PGA5: variants seen among roughly 807,000 people sequenced by gnomAD.
PGA5 encodes pepsinogen A5.
Under a neutral mutation model 15.9 loss-of-function variants are expected in PGA5, and 19 were observed. The observed-to-expected ratio is 1.19, with a 90% CI of 0.83 to 1.75. The LOEUF is 1.75. Among genes scored for constraint, PGA5 ranks in the 40% most tolerant of loss-of-function variants. The probability of loss-of-function intolerance (pLI) is 0.00; values close to 1 mark genes in which losing one functional copy is unlikely to be tolerated. For synonymous variants in PGA5, 92 were observed against 95.8 expected, an observed-to-expected ratio of 0.96 and a Z score of 0.23; for missense variants, 224 against 246.4, an observed-to-expected ratio of 0.91 and a Z score of 0.61.
At chr11:61,250,053 C>A in intron 8 of PGA5, 39 bp downstream of exon 8, 1 of 1,598,902 alleles carries the variant, frequency 6.3e-7, no homozygotes, top group Non-Finnish European at 8.5e-7. Context: ...GAGGTTCACA[C>A]AGAATGTGGA....
chr11:61,247,578 C>T lies in PGA5; in HGVS notation c.657-841C>T, dbSNP rs375690460. On this transcript the variant is annotated intron_variant, in intron 5 of 8. Coordinates refer to ENST00000312403, the MANE Select transcript of PGA5 (RefSeq NM_014224.5). ...AGGCATGAGCCACCACGCCCAGCCC[C>T]GGATAATTAATTTCTTATTGCCGTC... is the stretch of plus-strand genomic sequence containing the variant. 3.2e-4 allele frequency among the ~76,000 whole-genome samples: 49 copies of T among 152,064 alleles called. 2 individuals carry two copies. The highest frequency in any genetic ancestry group is 1.1e-3 in the African/African-American group (46 of 41,394).
In PGA5 at chr11:61,251,245, G is replaced by C; in HGVS notation, c.1131G>C (p.Arg377Ser). Residue 377 changes from arginine (R) to serine (S), a missense_variant, in exon 9 of 9, where the codon AGG becomes AGC. Coordinates refer to ENST00000312403, the MANE Select transcript of PGA5 (RefSeq NM_014224.5). Reference protein sequence around the residue: ...FIRQYFTVFDRANNQVGLAPV... With the variant: ...FIRQYFTVFDSANNQVGLAPV... ...GCCAGTACTTTACCGTCTTCGACAG[G>C]GCAAACAACCAGGTCGGCCTGGCCC... 4 of 1,611,848 alleles carry C rather than the reference G, an allele frequency of 2.5e-6. No homozygotes were observed. Among genetic ancestry groups the C allele is most frequent in the Non-Finnish European group, 3.4e-6 (4 of 1,179,868 alleles).
At chr11:61,250,082 A>G in intron 8 of PGA5, 68 bp downstream of exon 8, 2 of 1,568,006 alleles carry the variant, frequency 1.3e-6, no homozygotes, top group East Asian at 2.3e-5. Flanking sequence ...CCCCTTCTGC[A>G]GAGGGAAAGT....
chr11:61,249,474 G>C (rs963400234), intron 6 of PGA5, 195 bp from the exon 7 acceptor site: 2 of 1,106,822 alleles, frequency 1.8e-6, no homozygotes, highest in East Asian at 5.2e-5. Context: ...ATGCCTGGCA[G>C]AGGGTAGGCA....
In PGA5 at chr11:61,249,810, C is replaced by T. The variant is rs140182722; in HGVS notation, c.915C>T (p.Gly305=). The change falls in exon 7 of 9, where the codon GGC becomes GGT. Residue 305 remains glycine, a synonymous_variant. Coordinates refer to ENST00000312403, the MANE Select transcript of PGA5 (RefSeq NM_014224.5). ...TCGGAGCCAGCGAGAACTCAGATGG[C>T]GACGTGAGTCCAGCCCCGACTGCCC... is the stretch of plus-strand genomic sequence containing the variant. ...SDIGASENSD[G]DMVVSCSAIS... 4,383 of 1,613,628 alleles carry T rather than the reference C, an allele frequency of 2.7e-3. 187 individuals are homozygous for T. In the African/African-American group the frequency reaches 0.049, roughly 18 times the overall value.
chr11:61,250,968 G>T (rs1414577226), intron 8 of PGA5, among the ~76,000 whole-genome samples, 164 bp from the exon 9 acceptor site: 1 of 151,204 alleles, frequency 6.6e-6, no homozygotes, highest in Non-Finnish European at 1.5e-5. Flanking sequence ...GCTTCTACAG[G>T]CTGACTCCAG....
At position 61,248,318 on chromosome 11, in the gene PGA5, G is replaced by A. The variant is rs565383894; in HGVS notation, c.657-101G>A. ...ATTGGTCACACCCCAGGACAGCCCT[G>A]GAAAGTGCCCAATCAACGGTCGCTC... On this transcript the variant is annotated intron_variant, in intron 5 of 8. Transcript: ENST00000312403. The A allele has an allele frequency of 4.0e-5, 65 of 1,613,648 alleles. 1 individual carries two copies. In the East Asian group the frequency reaches 4.7e-4, roughly 12 times the overall value.
Position 61,249,769 on chromosome 11 carries a change from A to T in PGA5, c.874A>T (p.Asn292Tyr), listed in dbSNP as rs768967273. ...LLTGPTSPIANIQSDIGASEN... is the reference protein window; with the variant it reads ...LLTGPTSPIAYIQSDIGASEN... ...GACCGGCCCAACCAGCCCCATTGCC[A>T]ACATCCAGAGCGACATCGGAGCCAG... The change falls in exon 7 of 9, where the codon AAC (asparagine) becomes TAC (tyrosine). Residue 292 changes from asparagine to tyrosine, a missense_variant. Physicochemically the swap from Asn to Tyr is moderately radical, Grantham distance 143. Transcript: ENST00000312403. 1 of 1,613,608 alleles carries T rather than the reference A, an allele frequency of 6.2e-7. No individual in the cohort carries two copies. Among genetic ancestry groups the T allele is most frequent in the Non-Finnish European group, 8.5e-7 (1 of 1,179,856 alleles).
At chr11:61,250,612 C>T (rs1854127847) in intron 8 of PGA5, 1 of 458,982 alleles carries the variant, frequency 2.2e-6, no homozygotes, top group African/African-American at 2.0e-5. Flanking sequence ...CAACAAGAAG[C>T]ACTGATGCCT....
In PGA5 at chr11:61,251,252, A is replaced by G. The variant is rs568628382; in HGVS notation, c.1138A>G (p.Asn380Asp). 80 of 1,611,852 alleles carry G rather than the reference A, an allele frequency of 5.0e-5. 1 individual carries two copies. The South Asian group carries it at 8.4e-4, about 17-fold the overall frequency. ...CTTTACCGTCTTCGACAGGGCAAAC[A>G]ACCAGGTCGGCCTGGCCCCTGTGGC... ...QYFTVFDRAN[N>D]QVGLAPVA Residue 380 changes from asparagine (N) to aspartate (D), a missense_variant, in exon 9 of 9, where the codon AAC (asparagine) becomes GAC (aspartate). Asn to Asp is a conservative substitution (Grantham distance 23, BLOSUM62 1). Coordinates refer to ENST00000312403, the MANE Select transcript of PGA5 (RefSeq NM_014224.5).
intron 6 of PGA5, 50 bp downstream of exon 6, chr11:61,248,585 T>C (rs778825354): frequency 6.5e-5 from 105 of 1,605,666 alleles, no homozygotes; most frequent in Non-Finnish European, 8.1e-5. Flanking sequence ...CCAGATCCCA[T>C]TTCCTTATGG....
rs755590606 is a variant in PGA5, at chr11:61,249,732, C to T, written c.837C>T (p.Gly279=). 12 of 1,613,602 alleles carry T rather than the reference C, an allele frequency of 7.4e-6. No homozygotes were observed. In the South Asian group the frequency reaches 8.8e-5, roughly 12 times the overall value. The change falls in exon 7 of 9, where the codon GGC becomes GGT. Residue 279 remains glycine (G), a synonymous_variant. Transcript: ENST00000312403. ...AEGCQAIVDT[G]TSLLTGPTSP... ...GCTGCCAGGCCATTGTTGACACCGG[C>T]ACCTCTCTGCTGACCGGCCCAACCA... is the stretch of plus-strand genomic sequence containing the variant.
intron 5 of PGA5, among the ~76,000 whole-genome samples, chr11:61,247,460 G>T (rs1854080105): frequency 6.6e-6 from 1 of 151,704 alleles, no homozygotes; most frequent in African/African-American, 2.4e-5. Flanking sequence ...TGTATTTTTA[G>T]TAGAGATGGG....
chr11:61,250,207 C>G (rs899702846), intron 8 of PGA5, among the ~76,000 whole-genome samples, 193 bp downstream of exon 8: 1 of 151,216 alleles, frequency 6.6e-6, no homozygotes, highest in African/African-American at 2.5e-5. Context: ...TCGGATACAG[C>G]CCCCTAAGGG....
chr11:61,246,959 G>A lies in PGA5; in HGVS notation c.656+814G>A, dbSNP rs116989755. Among the ~76,000 whole-genome samples, 306 of 151,942 alleles carry A rather than the reference G, an allele frequency of 2.0e-3. 11 individuals are homozygous for A. In the East Asian group the frequency reaches 0.053, roughly 27 times the overall value. On this transcript the variant is annotated intron_variant, in intron 5 of 8. Transcript: ENST00000312403. ...CATTTGTGACCGGGGGCTAATTCTA[G>A]GAATGAACAAAGAATAAATGAACAA...
At chr11:61,249,579 G>A in intron 6 of PGA5, 90 bp from the exon 7 acceptor site, 1 of 1,607,950 alleles carries the variant, frequency 6.2e-7, no homozygotes, top group East Asian at 2.2e-5. Context: ...GGATGGGTGG[G>A]GAAGGAATGT....
At chr11:61,250,551 T>C in intron 8 of PGA5, 1 of 456,740 alleles carries the variant, frequency 2.2e-6, no homozygotes, top group South Asian at 1.6e-5. Context: ...TTCCCTTCTG[T>C]TATTATAACG....
Position 61,251,305 on chromosome 11 carries a change from C to T in PGA5, c.*24C>T, listed in dbSNP as rs764099851. On this transcript the variant is annotated 3_prime_UTR_variant, in exon 9 of 9. Transcript: ENST00000312403. Reference sequence around the variant, plus strand: ...AAGCCTAAGTCTCTTCAGCCACCTCCCAGGAAGATCTGGCCTCCGTCCTAT... The same window carrying T: ...AAGCCTAAGTCTCTTCAGCCACCTCTCAGGAAGATCTGGCCTCCGTCCTAT... 6.2e-6 allele frequency: 10 copies of T among 1,611,848 alleles called. No individual in the cohort carries two copies. In the South Asian group the frequency reaches 8.8e-5, roughly 14 times the overall value.
At chr11:61,248,172 C>T in intron 5 of PGA5, 1 of 852,872 alleles carries the variant, frequency 1.2e-6, no homozygotes, top group Admixed American at 1.9e-5. Flanking sequence ...CACCACTCCC[C>T]CGCTGTGTGA....
Sources: allele counts gnomAD v4.1 joint callset (sites outside exome capture counted in the v4.1 genomes callset), GRCh38; gene constraint gnomAD v4.1.1; transcripts MANE v1.5; gene names NCBI Gene and HGNC (gene_info 2026-07-23, HGNC 2026-07-21).